SP100: variants seen among roughly 807,000 people sequenced by gnomAD.
SP100 encodes SP100 nuclear body protein.
Under a neutral mutation model 130.0 loss-of-function variants are expected in SP100, and 84 were observed. The ratio of observed to expected loss-of-function variants is 0.65; its 90% CI spans 0.54 to 0.77. The LOEUF (loss-of-function observed/expected upper bound fraction) is 0.77, where lower values mean the gene tolerates loss of function less well. Among genes scored for constraint, SP100 ranks in the 30% least tolerant of loss-of-function variants. The pLI, the probability that SP100 is intolerant of heterozygous loss-of-function variation, is 0.00. For missense variants in SP100, 978 were observed against 1,052.2 expected, an observed-to-expected ratio of 0.93 and a Z score of 0.97; for synonymous variants, 331 against 351.7, an observed-to-expected ratio of 0.94 and a Z score of 0.66.
At chr2:230,513,530 A>C (rs1468317082) in intron 24 of SP100, among the ~76,000 whole-genome samples, 2 of 152,182 alleles carry the variant, frequency 1.3e-5, no homozygotes, top group Non-Finnish European at 2.9e-5. Context: ...AAAAAAAAAA[A>C]AAATCTTCCC....
intron 19 of SP100, among the ~76,000 whole-genome samples, chr2:230,501,659 A>AT (rs2067032955): frequency 6.6e-6 from 1 of 151,894 alleles, no homozygotes; most frequent in Non-Finnish European, 1.5e-5. Flanking sequence ...CATCTGGAGG[A>AT]GTTTTTCTCC....
chr2:230,446,153 G>A (rs1445424716), intron 4 of SP100, among the ~76,000 whole-genome samples: 1 of 152,074 alleles, frequency 6.6e-6, no homozygotes, highest in Admixed American at 6.5e-5. Context: ...CTGTTGCCCA[G>A]GCTGGAGTGC....
chr2:230,460,966 C>A (rs1363944395), intron 8 of SP100, among the ~76,000 whole-genome samples: 1 of 152,094 alleles, frequency 6.6e-6, no homozygotes, highest in African/African-American at 2.4e-5. Flanking sequence ...CCTTCGTGAT[C>A]ATTCAAAACC....
chr2:230,517,040 C>T (rs1024065356), intron 24 of SP100, among the ~76,000 whole-genome samples: 16 of 151,842 alleles, frequency 1.1e-4, no homozygotes, highest in African/African-American at 3.6e-4. Flanking sequence ...AACATTTTAT[C>T]GATAACATAC....
At chr2:230,469,892 T>G (rs1390482974) in intron 14 of SP100, 123 bp from the exon 15 acceptor site, 2 of 1,511,428 alleles carry the variant, frequency 1.3e-6, no homozygotes, top group Non-Finnish European at 8.9e-7. Flanking sequence ...GGTGGCCTAG[T>G]GGTGGGACTA....
intron 2 of SP100, among the ~76,000 whole-genome samples, chr2:230,423,583 A>C (rs958363120): frequency 6.6e-6 from 1 of 152,126 alleles, no homozygotes; most frequent in African/African-American, 2.4e-5. Context: ...TTCTGTTTCT[A>C]ATACGTTGGT....
intron 15 of SP100, among the ~76,000 whole-genome samples, chr2:230,471,117 T>C (rs1191291891): frequency 2.0e-5 from 3 of 150,976 alleles, no homozygotes; most frequent in Admixed American, 6.6e-5. Context: ...TAGATAAACA[T>C]AGAAATAAAG....
chr2:230,477,045 T>C (rs1424197939), intron 17 of SP100, among the ~76,000 whole-genome samples: 1 of 152,040 alleles, frequency 6.6e-6, no homozygotes, highest in Non-Finnish European at 1.5e-5. Context: ...TTTTGTACTT[T>C]TAGTAGAGTC....
chr2:230,423,456 C>T (rs1445831085), intron 2 of SP100, among the ~76,000 whole-genome samples: 1 of 151,880 alleles, frequency 6.6e-6, no homozygotes, highest in African/African-American at 2.4e-5. Flanking sequence ...TTTTATTGAT[C>T]CACTACTCTT....
chr2:230,417,576 A>G lies in SP100; in HGVS notation c.33-15A>G, dbSNP rs1356350970. 21 of 1,609,598 alleles carry G rather than the reference A, an allele frequency of 1.3e-5. No individual in the cohort carries two copies. Among genetic ancestry groups the G allele is most frequent in the Non-Finnish European group, 1.7e-5 (20 of 1,178,704 alleles). ...GTCCAGTTATTTACTTGGTCCTGCC[A>G]AATTGTCTTTCTAGGAGGCTGAATG... On this transcript the variant is annotated splice_polypyrimidine_tract_variant and intron_variant, in intron 1 of 28. Transcript: ENST00000340126.
chr2:230,465,826 A>G lies in SP100; in HGVS notation c.1142-475A>G, dbSNP rs78622213. ...ATGGAGAGAGCTGGGCAGGATCCCA[A>G]CATTATGACCCTGAACCTCCAGAAC... On this transcript the variant is annotated intron_variant, in intron 11 of 28. Transcript: ENST00000340126. 7.2e-3 allele frequency among the ~76,000 whole-genome samples: 1,098 copies of G among 152,256 alleles called. 20 individuals are homozygous for G. The highest frequency in any genetic ancestry group is 0.025 in the African/African-American group (1,042 of 41,530).
chr2:230,457,775 A>G (rs759618569), intron 8 of SP100, among the ~76,000 whole-genome samples: 30 of 152,080 alleles, frequency 2.0e-4, no homozygotes, highest in Non-Finnish European at 4.3e-4. Context: ...TGTTCACATC[A>G]GTGTTTCTGC....
intron 25 of SP100, 80 bp downstream of exon 25, chr2:230,539,462 A>T (rs1692078886): frequency 1.1e-6 from 1 of 923,622 alleles, no homozygotes; most frequent in South Asian, 1.4e-5. Flanking sequence ...TACTCTGCAG[A>T]GTTTCTGTAC....
intron 24 of SP100, among the ~76,000 whole-genome samples, chr2:230,514,237 C>T (rs933943885): frequency 6.6e-6 from 1 of 152,152 alleles, no homozygotes; most frequent in Non-Finnish European, 1.5e-5. Flanking sequence ...TTCAGACTTT[C>T]ATAATTTTAC....
At chr2:230,503,039 A>G (rs764848656) in intron 19 of SP100, 27 bp from the exon 20 acceptor site, 1 of 1,563,372 alleles carries the variant, frequency 6.4e-7, no homozygotes, top group Admixed American at 1.8e-5. Flanking sequence ...GTAAAGAGAC[A>G]TTTATGTTGT....
chr2:230,418,266 G>A (rs142751095), intron 2 of SP100, among the ~76,000 whole-genome samples: 3,082 of 152,158 alleles, frequency 0.02, 40 homozygotes, highest in Non-Finnish European at 0.031. Context: ...CTTCTAGTAG[G>A]TTTCTTGTTT....
At chr2:230,420,541 A>G (rs1266754757) in intron 2 of SP100, among the ~76,000 whole-genome samples, 1 of 152,118 alleles carries the variant, frequency 6.6e-6, no homozygotes, top group East Asian at 1.9e-4. Context: ...TTTTCAAGTT[A>G]AGGACATTTC....
intron 2 of SP100, among the ~76,000 whole-genome samples, chr2:230,428,716 A>G (rs2063012259): frequency 6.6e-6 from 1 of 151,976 alleles, no homozygotes; most frequent in South Asian, 2.1e-4. Context: ...TGCTGGGATT[A>G]CAGGCGTGAG....
chr2:230,517,732 T>C (rs889372887), intron 24 of SP100, among the ~76,000 whole-genome samples: 1 of 150,194 alleles, frequency 6.7e-6, no homozygotes, highest in African/African-American at 2.5e-5. Flanking sequence ...ACCACTGTAC[T>C]CTAGCCTGGG....
Sources: allele counts gnomAD v4.1 joint callset (sites outside exome capture counted in the v4.1 genomes callset), GRCh38; gene constraint gnomAD v4.1.1; transcripts MANE v1.5; gene names NCBI Gene and HGNC (gene_info 2026-07-23, HGNC 2026-07-21).